Variants in LILRB1 observed in about 807,000 individuals in gnomAD.
LILRB1 encodes the protein leukocyte immunoglobulin-like receptor subfamily B member 1.
A neutral mutation model predicts 74.6 loss-of-function variants in LILRB1; 59 were observed. The observed-to-expected ratio is 0.79, with a 90% CI of 0.64 to 0.98. LILRB1 has a LOEUF of 0.98. Among genes scored for constraint, LILRB1 ranks in the 50% least tolerant of loss-of-function variants. The pLI, the probability that LILRB1 is intolerant of heterozygous loss-of-function variation, is 0.00. For missense variants in LILRB1, 804 were observed against 822.6 expected (o/e 0.98, Z 0.28); for synonymous variants, 328 against 333.9 (o/e 0.98, Z 0.19).
chr19:54,627,858 G>C (rs925469865), upstream of LILRB1, among the ~76,000 whole-genome samples: 1 of 152,120 alleles, frequency 6.6e-6, no homozygotes, highest in African/African-American at 2.4e-5. Flanking sequence ...AGTAGCGGAC[G>C]CCAGCTGAGT....
chr19:54,619,016 T>C (rs182211892), intron 1 of LILRB1, among the ~76,000 whole-genome samples: 1 of 152,056 alleles, frequency 6.6e-6, no homozygotes, highest in African/African-American at 2.4e-5. Context: ...AATTTAAAAA[T>C]TACAGGAAAA....
At chr19:54,618,627 C>A (rs1404702113) in intron 1 of LILRB1, among the ~76,000 whole-genome samples, 2 of 152,056 alleles carry the variant, frequency 1.3e-5, no homozygotes, top group Non-Finnish European at 2.9e-5. Context: ...CTGACACACA[C>A]AAAACAAAAT....
chr19:54,633,792 C>T, intron 8 of LILRB1, 104 bp downstream of exon 8: 1 of 1,482,300 alleles, frequency 6.7e-7, no homozygotes, highest in Non-Finnish European at 9.1e-7. Flanking sequence ...AGCTTCCCTC[C>T]AGGGAGCCGG....
At chr19:54,631,458 G>A (rs2146245209) in intron 3 of LILRB1, 42 bp from the exon 4 acceptor site, 3 of 1,598,498 alleles carry the variant, frequency 1.9e-6, no homozygotes, top group East Asian at 2.2e-5. Context: ...TGCTGGGTTG[G>A]GTGGGAAATG....
upstream of LILRB1, among the ~76,000 whole-genome samples, chr19:54,627,856 A>G (rs2063638779): frequency 6.6e-6 from 1 of 152,190 alleles, no homozygotes; most frequent in Admixed American, 6.5e-5. Context: ...CCAGTAGCGG[A>G]CGCCAGCTGA....
In LILRB1 at chr19:54,635,255, C is replaced by T. The variant is rs1487402301; in HGVS notation, c.1563-4C>T. ...TGCCCCTAAAGCTCCCATTCTTCCC[C>T]CAGGTCCAGCCCAGCTGCCGATGCC... On this transcript the variant is annotated splice_polypyrimidine_tract_variant and splice_region_variant and intron_variant, in intron 11 of 14. Transcript: ENST00000324602. The T allele has an allele frequency of 1.2e-6, 2 of 1,612,328 alleles. No homozygotes were observed. Among genetic ancestry groups the T allele is most frequent in the Admixed American group, 3.3e-5 (2 of 60,000 alleles).
rs150538271 is a variant in LILRB1, at chr19:54,634,202, G to C, written c.1363+181G>C. 1,692 of 1,500,214 alleles carry C rather than the reference G, an allele frequency of 1.1e-3. 15 individuals are homozygous for C. In the African/African-American group the frequency reaches 0.019, roughly 17 times the overall value. 92.9% of individuals were successfully genotyped at this position (1,500,214 alleles called of 1,614,324 possible). On this transcript the variant is annotated intron_variant, in intron 9 of 14. Coordinates refer to ENST00000324602, the MANE Select transcript of LILRB1 (RefSeq NM_001081637.3). Reference sequence around the variant, plus strand: ...GGGTGGGAAAGTTCCTTTCAGCTCTGACTCCCAGCTGTGACCTCCTGGGAG... The same window carrying C: ...GGGTGGGAAAGTTCCTTTCAGCTCTCACTCCCAGCTGTGACCTCCTGGGAG...
At chr19:54,627,065 C>A (rs1349124507), upstream of LILRB1, among the ~76,000 whole-genome samples, 203 of 151,658 alleles carry the variant, frequency 1.3e-3, no homozygotes, top group South Asian at 0.026. Flanking sequence ...GAACAACAGT[C>A]TCTCTAGGGT....
upstream of LILRB1, among the ~76,000 whole-genome samples, chr19:54,628,652 C>T (rs1415644248): frequency 6.6e-6 from 1 of 152,156 alleles, no homozygotes; most frequent in Non-Finnish European, 1.5e-5. Flanking sequence ...TCCATACCCT[C>T]CCTGGGCATC....
chr19:54,634,456 G>A (rs767325716), intron 9 of LILRB1, 185 bp from the exon 10 acceptor site: 19 of 1,513,576 alleles, frequency 1.3e-5, no homozygotes, highest in Admixed American at 3.9e-5. Context: ...TGGGGGCCCC[G>A]GGCAGGCGAT....
chr19:54,632,612 C>A lies in LILRB1; in HGVS notation c.810C>A (p.Gly270=), dbSNP rs372648620. 1 of 1,614,004 alleles carries A rather than the reference C, an allele frequency of 6.2e-7. No homozygotes were observed. The highest frequency in any genetic ancestry group is 1.3e-5 in the African/African-American group (1 of 74,918). ...DGERDFLQLA[G]AQPQAGLSQA... ...AACGTGACTTCCTTCAGCTCGCTGG[C>A]GCACAGCCCCAGGCTGGGCTCTCCC... Residue 270 remains glycine (G), a synonymous_variant, in exon 6 of 15, where the codon GGC becomes GGA. Transcript: ENST00000324602.
In LILRB1 at chr19:54,624,430, G is replaced by A. The variant is rs558027157; in HGVS notation, c.-165-6087G>A. Reference sequence around the variant, plus strand: ...ACCTGCCTTGCCACTCTCTGCAGGCGTGGTTCCAAGGCAGAGCCTCCTCCC... The same window carrying A: ...ACCTGCCTTGCCACTCTCTGCAGGCATGGTTCCAAGGCAGAGCCTCCTCCC... On this transcript the variant is annotated intron_variant, in intron 1 of 15. Coordinates refer to the LILRB1 transcript ENST00000396331. 1.3e-4 allele frequency among the ~76,000 whole-genome samples: 20 copies of A among 152,230 alleles called. No homozygotes were observed. In the South Asian group the frequency reaches 4.1e-3, roughly 32 times the overall value.
upstream of LILRB1, among the ~76,000 whole-genome samples, chr19:54,629,121 T>C (rs2063681877): frequency 6.6e-6 from 1 of 152,194 alleles, no homozygotes; most frequent in Admixed American, 6.5e-5. Flanking sequence ...GGGTCTCTTA[T>C]ATGCACACTT....
At chr19:54,622,604 G>A (rs1427604332) in intron 1 of LILRB1, among the ~76,000 whole-genome samples, 3 of 152,284 alleles carry the variant, frequency 2.0e-5, no homozygotes, top group Non-Finnish European at 2.9e-5. Context: ...GTATATGATC[G>A]TGTCATCAGC....
chr19:54,617,684 C>A (rs531051034), intron 1 of LILRB1, among the ~76,000 whole-genome samples: 168 of 152,092 alleles, frequency 1.1e-3, no homozygotes, highest in African/African-American at 3.9e-3. Context: ...ACACACCAGA[C>A]TTCTTCCTCT....
intron 1 of LILRB1, among the ~76,000 whole-genome samples, chr19:54,624,094 A>G (rs1164682630): frequency 6.6e-6 from 1 of 152,152 alleles, no homozygotes; most frequent in Non-Finnish European, 1.5e-5. Flanking sequence ...GTGGAGTGTC[A>G]GGTGCCCTGA....
At position 54,636,507 on chromosome 19, in the gene LILRB1, A is replaced by G. The variant is rs2064435473; in HGVS notation, c.1667A>G (p.Asp556Gly). Residue 556 changes from aspartate (D) to glycine (G), a missense_variant, in exon 14 of 15, where the codon GAT becomes GGT. Transcript: ENST00000324602. ...GTCTCTCTCCAGCAGAGCCCACACG[A>G]TGAAGACCCCCAGGCAGTGACGTAT... ...VEMDTRQSPH[D>G]EDPQAVTYAE... 6.2e-7 allele frequency: 1 copy of G among 1,611,194 alleles called. No individual in the cohort carries two copies. The highest frequency in any genetic ancestry group is 8.5e-7 in the Non-Finnish European group (1 of 1,179,630).
In LILRB1 at chr19:54,636,494, C is replaced by A. The variant is rs373290406; in HGVS notation, c.1654C>A (p.Gln552Lys). The A allele has an allele frequency of 6.3e-5, 101 of 1,611,288 alleles. 1 individual carries two copies. The highest frequency in any genetic ancestry group is 5.6e-4 in the African/African-American group (42 of 74,694). Reference protein sequence around the residue: ...PEDGVEMDTRQSPHDEDPQAV... With the variant: ...PEDGVEMDTRKSPHDEDPQAV... ...ACCCCCCACCACTGTCTCTCTCCAG[C>A]AGAGCCCACACGATGAAGACCCCCA... The change falls in exon 14 of 15, where the codon CAG (glutamine) becomes AAG (lysine). Residue 552 changes from glutamine (Q) to lysine (K), a missense_variant and splice_region_variant. By Grantham distance (53) the Gln-to-Lys change is moderately conservative. Coordinates refer to ENST00000324602, the MANE Select transcript of LILRB1 (RefSeq NM_001081637.3).
rs1448073131 is a variant in LILRB1, at chr19:54,635,558, T to C, written c.1602T>C (p.Tyr534=). The change falls in exon 13 of 15, where the codon TAT becomes TAC. Residue 534 remains tyrosine (Y), a splice_region_variant and synonymous_variant. Transcript: ENST00000324602. Reference sequence around the variant, plus strand: ...AAACCCCTTGCTCTGCCCCAGCAGATGCTGCCGTGAAGCACACACAGCCTG... The same window carrying C: ...AAACCCCTTGCTCTGCCCCAGCAGACGCTGCCGTGAAGCACACACAGCCTG... ...PAADAQEENL[Y]AAVKHTQPED... The C allele has an allele frequency of 1.9e-6, 3 of 1,612,938 alleles. No individual in the cohort carries two copies. Among genetic ancestry groups the C allele is most frequent in the Non-Finnish European group, 2.5e-6 (3 of 1,179,354 alleles).
Sources: gnomAD v4.1 joint callset for allele counts (sites outside exome capture counted in the v4.1 genomes callset) on GRCh38, gnomAD v4.1.1 for gene constraint, MANE v1.5 for transcripts, NCBI Gene and HGNC (gene_info 2026-07-23, HGNC 2026-07-21) for gene names.